Variants in CNTLN observed in about 807,000 individuals in gnomAD.
The protein encoded by CNTLN is centlein, also known as centlein, centrosomal protein.
In CNTLN, 212 loss-of-function variants were observed where a neutral mutation model predicts 180.0. The observed-to-expected ratio is 1.18, with a 90% CI of 1.05 to 1.32. CNTLN has a LOEUF of 1.32. Ranked by LOEUF, CNTLN falls within the 40% of genes most tolerant of loss-of-function variation. CNTLN has a pLI of 0.00. For synonymous variants in CNTLN, 722 were observed against 563.1 expected, an observed-to-expected ratio of 1.28 and a Z score of -3.99; for missense variants, 2,095 against 1,610.9, an observed-to-expected ratio of 1.30 and a Z score of -5.14.
In CNTLN at chr9:17,309,138, G is replaced by GGATC. The variant is rs761825558; in HGVS notation, c.1228_1231dup (p.Gln411ArgfsTer12). The GGATC allele has an allele frequency of 5.6e-6, 9 of 1,610,054 alleles. No homozygotes were observed. The African/African-American group carries it at 1.2e-4, about 22-fold the overall frequency. On this transcript the variant is annotated frameshift_variant, in exon 8 of 26. Coordinates refer to ENST00000380647, the MANE Select transcript of CNTLN (RefSeq NM_017738.4). LOFTEE classifies it high-confidence loss of function. ...TCCGGCAAAGTGTTACTAATCTTCA[G>GGATC]GATCAGCTATTACAAAAAGAGCAAG...
chr9:17,461,113 TTATAG>T (rs1588049181), intron 19 of CNTLN, among the ~76,000 whole-genome samples: 2 of 151,554 alleles, frequency 1.3e-5, no homozygotes, highest in South Asian at 4.1e-4. Context: ...CATCACTATA[TTATAG>T]TATAGTGATA....
intron 23 of CNTLN, among the ~76,000 whole-genome samples, chr9:17,474,538 G>C (rs1159856293): frequency 6.6e-6 from 1 of 152,118 alleles, no homozygotes; most frequent in Non-Finnish European, 1.5e-5. Context: ...ATCCAGAACA[G>C]TCTTTTCTCC....
At chr9:17,301,620 A>G (rs1818359427) in intron 7 of CNTLN, 1 of 981,902 alleles carries the variant, frequency 1.0e-6, no homozygotes, top group Non-Finnish European at 1.2e-6. Flanking sequence ...TCCCACTGTA[A>G]TATTTTAATT....
chr9:17,161,579 C>G (rs1346725483), intron 2 of CNTLN, among the ~76,000 whole-genome samples: 1 of 152,198 alleles, frequency 6.6e-6, no homozygotes, highest in Non-Finnish European at 1.5e-5. Context: ...GTGTGCCAAA[C>G]TCCAGTATCT....
intron 2 of CNTLN, among the ~76,000 whole-genome samples, chr9:17,184,482 A>G (rs987321798): frequency 2.0e-5 from 3 of 152,182 alleles, no homozygotes; most frequent in Non-Finnish European, 4.4e-5. Flanking sequence ...ATGAACATTA[A>G]TGTAGGGAAG....
At position 17,395,076 on chromosome 9, in the gene CNTLN, C is replaced by A; in HGVS notation, c.2615+7C>A. 6.3e-7 allele frequency: 1 copy of A among 1,596,244 alleles called. No homozygotes were observed. Among genetic ancestry groups the A allele is most frequent in the South Asian group, 1.1e-5 (1 of 88,542 alleles). Reference sequence around the variant, plus strand: ...AGGATGTGAGTGAAAGCAGGTAAGGCTCTCATTAACTTAGCTCTGTGGTGG... The same window carrying A: ...AGGATGTGAGTGAAAGCAGGTAAGGATCTCATTAACTTAGCTCTGTGGTGG... On this transcript the variant is annotated splice_region_variant and intron_variant, in intron 15 of 25. Transcript: ENST00000380647.
chr9:17,146,726 A>G (rs1394925524), intron 2 of CNTLN, among the ~76,000 whole-genome samples: 7 of 152,120 alleles, frequency 4.6e-5, no homozygotes. Context: ...TAGCAGCCCA[A>G]ATGGATGAAG....
intron 18 of CNTLN, among the ~76,000 whole-genome samples, chr9:17,430,480 A>C (rs1178112798): frequency 3.9e-5 from 6 of 152,158 alleles, no homozygotes; most frequent in African/African-American, 9.6e-5. Context: ...ACATGCATAC[A>C]ATGTGAATTG....
intron 25 of CNTLN, among the ~76,000 whole-genome samples, chr9:17,497,229 G>A (rs753191141): frequency 1.3e-4 from 19 of 151,862 alleles, no homozygotes; most frequent in African/African-American, 4.6e-4. Context: ...ATGAGGGAGG[G>A]GAAGAAACTC....
Position 17,384,704 on chromosome 9 carries a change from A to G in CNTLN, c.1988-3458A>G, listed in dbSNP as rs143564447. 4.3e-3 allele frequency among the ~76,000 whole-genome samples: 660 copies of G among 152,350 alleles called. 3 individuals are homozygous for G. Among genetic ancestry groups the G allele is most frequent in the African/African-American group, 0.014 (594 of 41,560 alleles). ...AAGACAACAATTTTAAATTAACACA[A>G]AAACCAAAAACTTTTTCATGGCAGT... On this transcript the variant is annotated intron_variant, in intron 13 of 25. Coordinates refer to ENST00000380647, the MANE Select transcript of CNTLN (RefSeq NM_017738.4).
chr9:17,509,680 C>T, the CNTLN span, among the ~76,000 whole-genome samples: 2 of 152,112 alleles, frequency 1.3e-5, no homozygotes, highest in African/African-American at 4.8e-5. Flanking sequence ...ATATATGGTG[C>T]CATTTCTCCC....
chr9:17,342,862 G>A (rs781208800), intron 12 of CNTLN, among the ~76,000 whole-genome samples: 5 of 152,206 alleles, frequency 3.3e-5, no homozygotes, highest in Non-Finnish European at 7.4e-5. Flanking sequence ...GCCCTGTCCT[G>A]CTAATCCCAG....
chr9:17,402,145 A>G (rs1827029126), intron 15 of CNTLN, among the ~76,000 whole-genome samples: 2 of 151,802 alleles, frequency 1.3e-5, no homozygotes, highest in South Asian at 4.1e-4. Context: ...TCTGTTGACA[A>G]CTGTTCTCTA....
chr9:17,308,891 A>ATT (rs140618334), intron 7 of CNTLN, among the ~76,000 whole-genome samples, 167 bp from the exon 8 acceptor site: 2 of 150,900 alleles, frequency 1.3e-5, no homozygotes, highest in Non-Finnish European at 3.0e-5. Context: ...TAAATTAGTT[A>ATT]TTTTTTGTGT....
intron 2 of CNTLN, among the ~76,000 whole-genome samples, chr9:17,154,626 G>C (rs1451275294): frequency 2.0e-5 from 3 of 152,208 alleles, no homozygotes; most frequent in African/African-American, 7.2e-5. Context: ...TTCTGGGTTG[G>C]GTGGGGACTT....
intron 3 of CNTLN, among the ~76,000 whole-genome samples, chr9:17,233,775 A>C (rs1336914694): frequency 6.6e-6 from 1 of 152,196 alleles, no homozygotes. Flanking sequence ...GTTGAGCAAA[A>C]ATAGCAAGCT....
rs1821552638 is a variant in CNTLN, at chr9:17,342,411, T to C, written c.1853T>C (p.Phe618Ser). 1.2e-6 allele frequency: 2 copies of C among 1,610,222 alleles called. No individual in the cohort carries two copies. The change falls in exon 12 of 26, where the codon TTC (phenylalanine) becomes TCC (serine). Residue 618 changes from phenylalanine (F) to serine (S), a missense_variant. By Grantham distance (155) the Phe-to-Ser change is radical. Coordinates refer to ENST00000380647, the MANE Select transcript of CNTLN (RefSeq NM_017738.4). ...GCTGTGTGGAATGAACTGGCATATT[T>C]CAAAAGGGAAAACCAGGAGCTAATG... ...SDAVWNELAY[F>S]KRENQELMIQ... is the part of the protein sequence containing the mutation.
chr9:17,241,678 C>G (rs1825501645), intron 5 of CNTLN, among the ~76,000 whole-genome samples: 1 of 150,858 alleles, frequency 6.6e-6, no homozygotes, highest in African/African-American at 2.5e-5. Flanking sequence ...TCTTCCAATC[C>G]ATGAGCAAGG....
At chr9:17,293,909 G>A (rs1817594568) in intron 6 of CNTLN, among the ~76,000 whole-genome samples, 1 of 152,084 alleles carries the variant, frequency 6.6e-6, no homozygotes, top group Non-Finnish European at 1.5e-5. Context: ...ACGGATCCGT[G>A]GAAAAAGCGT....
Sources: gnomAD v4.1 joint callset for allele counts (sites outside exome capture counted in the v4.1 genomes callset) on GRCh38, gnomAD v4.1.1 for gene constraint, MANE v1.5 for transcripts, NCBI Gene and HGNC (gene_info 2026-07-23, HGNC 2026-07-21) for gene names.